LARP1: variants seen among roughly 807,000 people sequenced by gnomAD.
LARP1 encodes La ribonucleoprotein 1, translational regulator, also known as la-related protein 1.
In LARP1, 36 loss-of-function variants were observed where a neutral mutation model predicts 122.7. That is an observed-to-expected ratio of 0.29 (90% CI 0.22 to 0.39). The LOEUF (loss-of-function observed/expected upper bound fraction) is 0.39, where lower values mean the gene tolerates loss of function less well. Ranked by LOEUF, LARP1 falls within the 10% of genes least tolerant of loss-of-function variation. The probability of loss-of-function intolerance (pLI) is 1.00; values close to 1 mark genes in which losing one functional copy is unlikely to be tolerated. For missense variants in LARP1, 1,040 were observed against 1,403.6 expected (o/e 0.74, Z 4.14); for synonymous variants, 539 against 528.7 (o/e 1.02, Z -0.27).
At chr5:154,753,326 G>T (rs1753602830), upstream of LARP1, among the ~76,000 whole-genome samples, 2 of 152,112 alleles carry the variant, frequency 1.3e-5, no homozygotes, top group Non-Finnish European at 2.9e-5. Context: ...CGTGCCAGTG[G>T]TCCTAGCTAC....
At chr5:154,772,465 C>G (rs867113349) in intron 1 of LARP1, among the ~76,000 whole-genome samples, 1 of 152,064 alleles carries the variant, frequency 6.6e-6, no homozygotes, top group East Asian at 1.9e-4. Context: ...GTAGCCTTCC[C>G]GTTGTCTATG....
intron 1 of LARP1, among the ~76,000 whole-genome samples, chr5:154,780,019 ATT>A (rs1756290067): frequency 6.6e-6 from 1 of 152,080 alleles, no homozygotes; most frequent in Admixed American, 6.5e-5. Flanking sequence ...AGAGAGGCAA[ATT>A]AGCAGCTCCT....
intron 1 of LARP1, among the ~76,000 whole-genome samples, chr5:154,746,828 A>C (rs1329120569): frequency 6.6e-6 from 1 of 152,076 alleles, no homozygotes; most frequent in Non-Finnish European, 1.5e-5. Flanking sequence ...GAGTGTCTCT[A>C]CTAAAAAACT....
chr5:154,685,271 C>G (rs1235917884), intron 1 of LARP1, among the ~76,000 whole-genome samples: 1 of 151,966 alleles, frequency 6.6e-6, no homozygotes, highest in Non-Finnish European at 1.5e-5. Context: ...AATTGCACTC[C>G]TTAATGTGGC....
intron 1 of LARP1, among the ~76,000 whole-genome samples, chr5:154,789,825 T>A (rs1481459723): frequency 6.6e-6 from 1 of 152,190 alleles, no homozygotes; most frequent in East Asian, 1.9e-4. Flanking sequence ...CTGGCCCTGG[T>A]GTGGTCCCTA....
chr5:154,721,271 T>C (rs746134803), intron 1 of LARP1, among the ~76,000 whole-genome samples: 2 of 148,390 alleles, frequency 1.3e-5, no homozygotes, highest in African/African-American at 2.5e-5. Flanking sequence ...CCCTTAAGCC[T>C]AGGAGGTCGA....
At chr5:154,764,723 G>A (rs1172874106) in intron 1 of LARP1, among the ~76,000 whole-genome samples, 1 of 151,074 alleles carries the variant, frequency 6.6e-6, no homozygotes, top group Non-Finnish European at 1.5e-5. Flanking sequence ...TAGCCAACAT[G>A]GTGAAACCCA....
intron 1 of LARP1, among the ~76,000 whole-genome samples, chr5:154,769,001 C>T (rs1053611793): frequency 6.6e-6 from 1 of 152,058 alleles, no homozygotes; most frequent in African/African-American, 2.4e-5. Context: ...TCACGCCTGG[C>T]TAATTTTTTG....
intron 1 of LARP1, among the ~76,000 whole-genome samples, chr5:154,772,729 C>T (rs942582965): frequency 3.3e-5 from 5 of 152,016 alleles, no homozygotes; most frequent in Non-Finnish European, 7.4e-5. Context: ...CTCTTGTTGC[C>T]CGGGCTGGAG....
chr5:154,732,607 A>G (rs188637141), intron 1 of LARP1, among the ~76,000 whole-genome samples: 2 of 152,326 alleles, frequency 1.3e-5, no homozygotes, highest in East Asian at 3.9e-4. Flanking sequence ...ATTGCTCTTC[A>G]AGATCTTTTC....
In LARP1 at chr5:154,793,736, C is replaced by T. The variant is rs1757522430; in HGVS notation, c.868+13C>T. On this transcript the variant is annotated intron_variant, in intron 5 of 18. Transcript: ENST00000518297. The stretch of plus-strand genomic sequence containing the variant: ...GGAGAGATCAAAGGTATGCACTACC[C>T]ACTATGGAGGGCCTGGACTTGGGAG... 6.2e-7 allele frequency: 1 copy of T among 1,614,032 alleles called. No homozygotes were observed. The highest frequency in any genetic ancestry group is 1.7e-5 in the Admixed American group (1 of 60,002).
chr5:154,756,518 C>T, intron 1 of LARP1: 12 of 985,502 alleles, frequency 1.2e-5, no homozygotes, highest in Non-Finnish European at 1.4e-5. Context: ...CCACCGCATG[C>T]TGGTGTAAGA....
intron 1 of LARP1, among the ~76,000 whole-genome samples, chr5:154,758,877 G>A (rs1021345377): frequency 3.3e-5 from 5 of 152,162 alleles, no homozygotes; most frequent in African/African-American, 1.2e-4. Flanking sequence ...TCTGGTTTAA[G>A]CGTCCAAGTC....
upstream of LARP1, among the ~76,000 whole-genome samples, chr5:154,753,266 A>G (rs1380972927): frequency 6.6e-6 from 1 of 152,178 alleles, no homozygotes; most frequent in Non-Finnish European, 1.5e-5. Context: ...TAATCTCTTC[A>G]GGGATTACTT....
At chr5:154,791,511 CT>C (rs1337580051) in intron 3 of LARP1, among the ~76,000 whole-genome samples, 7 of 152,194 alleles carry the variant, frequency 4.6e-5, no homozygotes, top group Non-Finnish European at 1.0e-4. Flanking sequence ...CCCCAGCCCC[CT>C]AGCCTCTGTT....
At chr5:154,804,409 GA>G in intron 14 of LARP1, 102 bp downstream of exon 14, 1 of 875,668 alleles carries the variant, frequency 1.1e-6, no homozygotes, top group Non-Finnish European at 1.9e-6. Flanking sequence ...AAATTAAAGG[GA>G]CCCTCATCTA....
At chr5:154,687,395 T>C (rs2113184238) in intron 1 of LARP1, among the ~76,000 whole-genome samples, 1 of 152,374 alleles carries the variant, frequency 6.6e-6, no homozygotes, top group Non-Finnish European at 1.5e-5. Flanking sequence ...TGTGTGTGTG[T>C]TTGTGAGACG....
At chr5:154,776,981 C>T (rs1251467358) in intron 1 of LARP1, among the ~76,000 whole-genome samples, 1 of 152,176 alleles carries the variant, frequency 6.6e-6, no homozygotes, top group Non-Finnish European at 1.5e-5. Flanking sequence ...AGTACAGTCT[C>T]GTGTCACTTA....
rs568592524 is a variant in LARP1 at position 154,715,334 on chromosome 5, G to A, written c.205+2204G>A. On this transcript the variant is annotated intron_variant, in intron 1 of 18. Transcript: ENST00000336314. Reference sequence around the variant, plus strand: ...GGCTGGAGTGCAATGGCTTGATCTCGGCTCACCGCAACCTCCGCCTCCCGG... The same window carrying A: ...GGCTGGAGTGCAATGGCTTGATCTCAGCTCACCGCAACCTCCGCCTCCCGG... Among the ~76,000 whole-genome samples, 405 of 131,802 alleles carry A rather than the reference G, an allele frequency of 3.1e-3. 3 individuals carry two copies. The highest frequency in any genetic ancestry group is 0.011 in the African/African-American group (379 of 35,642). The allele number at this position is 131,802 out of a possible 152,430, so 86.5% of individuals were successfully genotyped here.
Sources: gnomAD v4.1 joint callset for allele counts (sites outside exome capture counted in the v4.1 genomes callset) on GRCh38, gnomAD v4.1.1 for gene constraint, MANE v1.5 for transcripts, NCBI Gene and HGNC (gene_info 2026-07-23, HGNC 2026-07-21) for gene names.